Variants in DEFB107B observed in about 807,000 individuals in gnomAD.
The protein encoded by DEFB107B is defensin beta 107B, also known as beta-defensin 107.
chr8:7,507,904 A>T (rs1261106256), intron 1 of DEFB107B, among the ~76,000 whole-genome samples: 2 of 146,650 alleles, frequency 1.4e-5, no homozygotes, highest in African/African-American at 5.4e-5. Context: ...TCTGAAGGTA[A>T]AACTGACTGC....
chr8:7,496,453 C>T (rs1435664071), intron 1 of DEFB107B, among the ~76,000 whole-genome samples: 3 of 150,962 alleles, frequency 2.0e-5, no homozygotes, highest in East Asian at 3.9e-4. Context: ...GCACCCGCCA[C>T]CACGCCTGGC....
In DEFB107B at chr8:7,508,126, T is replaced by C. The variant is rs146874307; in HGVS notation, c.71-955T>C. 2.2e-3 allele frequency among the ~76,000 whole-genome samples: 290 copies of C among 133,298 alleles called. 12 individuals carry two copies. The highest frequency in any genetic ancestry group is 8.9e-3 in the African/African-American group (277 of 31,248). The allele number at this position is 133,298 out of a possible 152,430, so 87.4% of individuals were successfully genotyped here. A position where few individuals can be genotyped will look rare whatever the true frequency, so the allele number is the denominator to read the frequency against. ...GTGTGTGCGTGTGTGTCTCAACTGA[T>C]TGTCCAGTTGCCTGATAAATTTAAG... is the stretch of plus-strand genomic sequence containing the variant. On this transcript the variant is annotated intron_variant, in intron 1 of 1. Coordinates refer to ENST00000355602, the MANE Select transcript of DEFB107B (RefSeq NM_001040705.2).
At chr8:7,505,829 C>T (rs1248345420) in intron 1 of DEFB107B, among the ~76,000 whole-genome samples, 5 of 25,492 alleles carry the variant, frequency 2.0e-4, no homozygotes, top group African/African-American at 3.1e-4. Context: ...ACCGGCTCTG[C>T]TACATATTCG....
intron 1 of DEFB107B, among the ~76,000 whole-genome samples, chr8:7,496,973 C>T (rs1190446783): frequency 7.8e-6 from 1 of 127,738 alleles, no homozygotes; most frequent in Non-Finnish European, 1.6e-5. Context: ...CATACCTCCT[C>T]AACTATCCTT....
Position 7,507,821 on chromosome 8 carries a change from G to A in DEFB107B, c.71-1260G>A, listed in dbSNP as rs553801018. Among the ~76,000 whole-genome samples the A allele has an allele frequency of 1.8e-4, 26 of 143,700 alleles. No homozygotes were observed. The South Asian group carries it at 5.2e-3, about 29-fold the overall frequency. The allele number at this position is 143,700 out of a possible 152,430, so 94.3% of individuals were successfully genotyped here. On this transcript the variant is annotated intron_variant, in intron 1 of 1. Coordinates refer to ENST00000355602, the MANE Select transcript of DEFB107B (RefSeq NM_001040705.2). The stretch of plus-strand genomic sequence containing the variant: ...TTGTTCATGTGGACATATAGAAATA[G>A]GAAGCTAGGAGCTGATGTGATTAGC...
chr8:7,496,992 C>T (rs1811775932), intron 1 of DEFB107B, among the ~76,000 whole-genome samples: 1 of 133,298 alleles, frequency 7.5e-6, no homozygotes, highest in Non-Finnish European at 1.6e-5. Context: ...TTCGTTCCTT[C>T]TGTTGTGAAG....
At chr8:7,496,301 T>TTC (rs1811730297) in intron 1 of DEFB107B, among the ~76,000 whole-genome samples, 3 of 74,496 alleles carry the variant, frequency 4.0e-5, no homozygotes, top group African/African-American at 2.1e-4. Flanking sequence ...TTTTTTTTTT[T>TTC]TTTTTTTTTT....
intron 1 of DEFB107B, among the ~76,000 whole-genome samples, chr8:7,504,170 C>T (rs1489143928): frequency 2.9e-5 from 1 of 34,074 alleles, no homozygotes. Context: ...GGCCATATAC[C>T]CCTGTAGGGA....
Position 7,508,134 on chromosome 8 carries a change from T to A in DEFB107B, c.71-947T>A, listed in dbSNP as rs561921851. Among the ~76,000 whole-genome samples, 130 of 134,908 alleles carry A rather than the reference T, an allele frequency of 9.6e-4. 2 individuals are homozygous for A. Among genetic ancestry groups the A allele is most frequent in the Non-Finnish European group, 1.8e-3 (113 of 64,486 alleles). The allele number at this position is 134,908 out of a possible 152,430, so 88.5% of individuals were successfully genotyped here. A position where few individuals can be genotyped will look rare whatever the true frequency, so the allele number is the denominator to read the frequency against. ...GTGTGTGTCTCAACTGATTGTCCAGTTGCCTGATAAATTTAAGTGATCTGT... is the reference window on the plus strand; with the variant it reads ...GTGTGTGTCTCAACTGATTGTCCAGATGCCTGATAAATTTAAGTGATCTGT... On this transcript the variant is annotated intron_variant, in intron 1 of 1. Coordinates refer to ENST00000355602, the MANE Select transcript of DEFB107B (RefSeq NM_001040705.2).
intron 1 of DEFB107B, among the ~76,000 whole-genome samples, chr8:7,496,512 G>C (rs1395677391): frequency 4.6e-5 from 7 of 152,100 alleles, no homozygotes; most frequent in Middle Eastern, 3.4e-3. Flanking sequence ...GTGTTAGCCA[G>C]GATGGTCTTG....
chr8:7,508,099 A>ATG lies in DEFB107B; in HGVS notation c.71-975_71-974dup, dbSNP rs1563364110. 1.3e-4 allele frequency among the ~76,000 whole-genome samples: 15 copies of ATG among 118,344 alleles called. 1 individual carries two copies. Among genetic ancestry groups the ATG allele is most frequent in the African/African-American group, 4.8e-4 (13 of 26,822 alleles). The allele number at this position is 118,344 out of a possible 152,430, so 77.6% of individuals were successfully genotyped here. ...TATATATATATGTGTGTGTGTGTGTATGTGTGTGCGTGTGTGTCTCAACTG... is the reference window on the plus strand; with the variant it reads ...TATATATATATGTGTGTGTGTGTGTATGTGTGTGTGCGTGTGTGTCTCAACTG... On this transcript the variant is annotated intron_variant, in intron 1 of 1. Coordinates refer to ENST00000355602, the MANE Select transcript of DEFB107B (RefSeq NM_001040705.2).
chr8:7,496,439 A>C (rs1408115679), intron 1 of DEFB107B, among the ~76,000 whole-genome samples: 2 of 149,574 alleles, frequency 1.3e-5, no homozygotes, highest in African/African-American at 4.9e-5. Context: ...AGCTGGGACT[A>C]CACGCACCCG....
At chr8:7,496,322 C>T (rs1190199107) in intron 1 of DEFB107B, among the ~76,000 whole-genome samples, 9 of 24,290 alleles carry the variant, frequency 3.7e-4, no homozygotes, top group African/African-American at 7.8e-4. Context: ...TTTTTTGAGA[C>T]GGAGTCTCGC....
chr8:7,496,439 A>G (rs1408115679), intron 1 of DEFB107B, among the ~76,000 whole-genome samples: 2 of 149,572 alleles, frequency 1.3e-5, no homozygotes, highest in South Asian at 2.1e-4. Context: ...AGCTGGGACT[A>G]CACGCACCCG....
chr8:7,508,416 A>G (rs1199859978), intron 1 of DEFB107B, among the ~76,000 whole-genome samples: 2 of 137,262 alleles, frequency 1.5e-5, no homozygotes, highest in South Asian at 4.5e-4. Context: ...TTTCCTAAGA[A>G]TGTATCTTAC....
chr8:7,496,427 G>T (rs1811739682), intron 1 of DEFB107B, among the ~76,000 whole-genome samples: 1 of 146,236 alleles, frequency 6.8e-6, no homozygotes, highest in Admixed American at 7.0e-5. Flanking sequence ...AGCCTCCCGA[G>T]TAGCTGGGAC....
chr8:7,507,530 T>C (rs1811965963), intron 1 of DEFB107B, among the ~76,000 whole-genome samples: 1 of 97,752 alleles, frequency 1.0e-5, no homozygotes, highest in Admixed American at 1.1e-4. Flanking sequence ...ATCTTAATGA[T>C]AGAATGACTG....
At chr8:7,496,355 A>G (rs1384283266) in intron 1 of DEFB107B, among the ~76,000 whole-genome samples, 2 of 63,200 alleles carry the variant, frequency 3.2e-5, no homozygotes, top group South Asian at 6.6e-4. Context: ...GCTGGAGTGC[A>G]GTGGTGCGAT....
At chr8:7,507,563 T>G (rs1053428892) in intron 1 of DEFB107B, among the ~76,000 whole-genome samples, 1 of 111,118 alleles carries the variant, frequency 9.0e-6, no homozygotes, top group African/African-American at 4.2e-5. Context: ...ACCTTATTTC[T>G]CTTTCATGTA....
Sources: allele counts gnomAD v4.1 joint callset (sites outside exome capture counted in the v4.1 genomes callset), GRCh38; gene constraint gnomAD v4.1.1; transcripts MANE v1.5; gene names NCBI Gene and HGNC (gene_info 2026-07-23, HGNC 2026-07-21).